LRRC37A2: variants seen among roughly 807,000 people sequenced by gnomAD.
The protein encoded by LRRC37A2 is leucine rich repeat containing 37 member A2.
A neutral mutation model predicts 68.8 loss-of-function variants in LRRC37A2; 9 were observed. The observed-to-expected ratio is 0.13, with a 90% CI of 0.08 to 0.23. The LOEUF (loss-of-function observed/expected upper bound fraction) is 0.23. Ranked by LOEUF, LRRC37A2 falls within the 10% of genes least tolerant of loss-of-function variation. The pLI is 1.00. For missense variants in LRRC37A2, 168 were observed against 950.4 expected, an observed-to-expected ratio of 0.18 and a Z score of 10.82; for synonymous variants, 63 against 367.6, an observed-to-expected ratio of 0.17 and a Z score of 9.48.
At chr17:46,799,667 C>T in the LRRC37A2 span, among the ~76,000 whole-genome samples, 2 of 152,172 alleles carry the variant, frequency 1.3e-5, no homozygotes, top group East Asian at 1.9e-4. Flanking sequence ...AGGCTGGTCT[C>T]GAACTCCTGA....
chr17:46,944,353 G>C, the LRRC37A2 span, among the ~76,000 whole-genome samples: 11 of 152,170 alleles, frequency 7.2e-5, no homozygotes, highest in Non-Finnish European at 1.2e-4. Context: ...CAGCAACCAC[G>C]GGCCACACAC....
At chr17:46,964,568 A>G in the LRRC37A2 span, 1 of 152,294 alleles carries the variant, frequency 6.6e-6, no homozygotes, top group African/African-American at 2.4e-5. Flanking sequence ...GTGCCATGGG[A>G]GAGAGAAAAA....
At chr17:46,743,618 G>A in the LRRC37A2 span, among the ~76,000 whole-genome samples, 1 of 152,120 alleles carries the variant, frequency 6.6e-6, no homozygotes, top group Non-Finnish European at 1.5e-5. Context: ...TGCCAGCCCT[G>A]GGCTTGCCTT....
At chr17:46,541,856 A>G (rs1187872648) in intron 8 of LRRC37A2, among the ~76,000 whole-genome samples, 1 of 150,708 alleles carries the variant, frequency 6.6e-6, no homozygotes, top group Non-Finnish European at 1.5e-5. Context: ...GGACTTTGGT[A>G]TCTGCAGGGG....
the LRRC37A2 span, among the ~76,000 whole-genome samples, chr17:46,825,089 C>A: frequency 2.6e-5 from 4 of 152,370 alleles, no homozygotes; most frequent in South Asian, 8.3e-4. Context: ...TGCCTCATAA[C>A]CCTGAGCCCC....
the LRRC37A2 span, among the ~76,000 whole-genome samples, chr17:46,992,434 T>G: frequency 8.5e-5 from 13 of 152,108 alleles, no homozygotes; most frequent in Middle Eastern, 3.4e-3. Context: ...ATCTGGGGGG[T>G]TTTTAAAAAT....
chr17:46,869,056 G>C, the LRRC37A2 span, among the ~76,000 whole-genome samples: 1 of 152,194 alleles, frequency 6.6e-6, no homozygotes, highest in Non-Finnish European at 1.5e-5. Context: ...GGCCTCCCAG[G>C]CTGTCTTCAT....
chr17:46,713,778 A>G, the LRRC37A2 span: 18 of 1,460,856 alleles, frequency 1.2e-5, no homozygotes, highest in African/African-American at 7.1e-5. Flanking sequence ...TGTTCTGGAT[A>G]AAAGTTTAAA....
chr17:46,766,570 G>C, the LRRC37A2 span, among the ~76,000 whole-genome samples: 7 of 152,132 alleles, frequency 4.6e-5, no homozygotes, highest in Non-Finnish European at 1.0e-4. Flanking sequence ...TACCGACAAA[G>C]GTAGTGCCAC....
chr17:46,944,411 C>G, the LRRC37A2 span, among the ~76,000 whole-genome samples: 1 of 152,164 alleles, frequency 6.6e-6, no homozygotes, highest in Non-Finnish European at 1.5e-5. Context: ...TGTCCCACGT[C>G]CCTTTCTGGG....
chr17:46,789,197 G>A, the LRRC37A2 span, among the ~76,000 whole-genome samples: 1 of 152,014 alleles, frequency 6.6e-6, no homozygotes, highest in South Asian at 2.1e-4. Context: ...CTTTATGGGG[G>A]CCCAGAGGCC....
the LRRC37A2 span, among the ~76,000 whole-genome samples, chr17:47,007,109 T>G: frequency 6.6e-6 from 1 of 152,210 alleles, no homozygotes; most frequent in East Asian, 1.9e-4. Context: ...TCACTGCCAG[T>G]GCTCATTTAA....
At chr17:47,003,552 A>G in the LRRC37A2 span, among the ~76,000 whole-genome samples, 2 of 152,218 alleles carry the variant, frequency 1.3e-5, no homozygotes, top group East Asian at 3.9e-4. Context: ...AGCAGAGAAG[A>G]TGGACATGGG....
the LRRC37A2 span, among the ~76,000 whole-genome samples, chr17:47,035,898 C>T: frequency 1.1e-4 from 16 of 152,080 alleles, no homozygotes; most frequent in African/African-American, 3.4e-4. Context: ...ATGGACATTT[C>T]CCTAATGATT....
chr17:46,779,103 A>ACACACACACACAC, the LRRC37A2 span, among the ~76,000 whole-genome samples: 330 of 133,600 alleles, frequency 2.5e-3, 11 homozygotes, highest in African/African-American at 8.7e-3. Flanking sequence ...ACACACACAC[A>ACACACACACACAC]CCCCAGCCCA....
At chr17:46,553,321 G>T in intron 11 of LRRC37A2, 79 bp from the exon 11 acceptor site, 2 of 1,605,244 alleles carry the variant, frequency 1.2e-6, no homozygotes, top group South Asian at 2.2e-5. Context: ...GACTTATAAT[G>T]AATAAAAGGA....
chr17:46,999,498 G>A, the LRRC37A2 span, among the ~76,000 whole-genome samples: 5 of 152,092 alleles, frequency 3.3e-5, no homozygotes, highest in African/African-American at 1.2e-4. Flanking sequence ...ACAGGCACAC[G>A]CCACCATGCC....
chr17:47,006,640 C>T, the LRRC37A2 span, among the ~76,000 whole-genome samples: 4 of 152,160 alleles, frequency 2.6e-5, no homozygotes, highest in African/African-American at 9.7e-5. Flanking sequence ...CAACAGGATG[C>T]CTCTGCTAGT....
the LRRC37A2 span, chr17:46,965,107 G>A: frequency 6.6e-6 from 1 of 152,174 alleles, no homozygotes; most frequent in African/African-American, 2.4e-5. Context: ...ATTTTTAGAA[G>A]TGGAGTATCT....
Sources: gnomAD v4.1 joint callset for allele counts (sites outside exome capture counted in the v4.1 genomes callset) on GRCh38, gnomAD v4.1.1 for gene constraint, MANE v1.5 for transcripts, NCBI Gene and HGNC (gene_info 2026-07-23, HGNC 2026-07-21) for gene names.